The following BFAR variants were observed in gnomAD, a reference collection of about 807,000 sequenced individuals.
The protein encoded by BFAR is bifunctional apoptosis regulator, also known as RING finger protein 47.
In BFAR, 52 loss-of-function variants were observed where a neutral mutation model predicts 54.4. The observed-to-expected ratio is 0.96, with a 90% CI of 0.77 to 1.21. The LOEUF is 1.21. Among genes scored for constraint, BFAR ranks in the 50% most tolerant of loss-of-function variants. The pLI is 0.00. For missense variants in BFAR, 571 were observed against 534.0 expected, an observed-to-expected ratio of 1.07 and a Z score of -0.68; for synonymous variants, 215 against 204.3, an observed-to-expected ratio of 1.05 and a Z score of -0.45.
At chr16:14,646,356 G>A (rs2151838087) in intron 2 of BFAR, among the ~76,000 whole-genome samples, 2 of 148,016 alleles carry the variant, frequency 1.4e-5, no homozygotes, top group South Asian at 4.3e-4. Flanking sequence ...CCTGGTGAAT[G>A]TTTGTATTTT....
chr16:14,647,318 TAA>T lies in BFAR; in HGVS notation c.264-1069_264-1068del, dbSNP rs978912874. Among the ~76,000 whole-genome samples the T allele has an allele frequency of 5.8e-4, 88 of 150,746 alleles. 1 individual carries two copies. Among genetic ancestry groups the T allele is most frequent in the Admixed American group, 2.6e-4 (4 of 15,154 alleles). ...CAGGCTGGTCTGGAACTCCTGACCT[TAA>T]GTGATCTGCCCACCTCGGCCTCCCA... On this transcript the variant is annotated intron_variant, in intron 2 of 7. Coordinates refer to ENST00000261658, the MANE Select transcript of BFAR (RefSeq NM_016561.3).
intron 6 of BFAR, among the ~76,000 whole-genome samples, chr16:14,663,493 G>A (rs536429952): frequency 4.6e-5 from 7 of 151,954 alleles, no homozygotes; most frequent in Non-Finnish European, 8.8e-5. Context: ...CACCACACCC[G>A]GCTAATTTTT....
intron 1 of BFAR, among the ~76,000 whole-genome samples, chr16:14,634,222 A>AC (rs1306895992): frequency 6.6e-6 from 1 of 151,692 alleles, no homozygotes; most frequent in Non-Finnish European, 1.5e-5. Context: ...CCCAGGACAC[A>AC]CCCCCGAGCC....
intron 3 of BFAR, among the ~76,000 whole-genome samples, chr16:14,649,144 C>T (rs1460184638): frequency 7.0e-6 from 1 of 143,342 alleles, no homozygotes; most frequent in Admixed American, 7.4e-5. Context: ...GGCATGATCT[C>T]GGCTCACTGC....
intron 3 of BFAR, 30 bp from the exon 4 acceptor site, chr16:14,649,774 T>A (rs1959912656): frequency 1.3e-6 from 2 of 1,551,068 alleles, no homozygotes; most frequent in Non-Finnish European, 8.8e-7. Flanking sequence ...TGCCTCTCCA[T>A]GGTTTAAAGT....
intron 6 of BFAR, among the ~76,000 whole-genome samples, chr16:14,662,856 C>T (rs1482795219): frequency 6.6e-6 from 1 of 152,134 alleles, no homozygotes; most frequent in East Asian, 1.9e-4. Flanking sequence ...AGACTCCTGT[C>T]TCAAGAGCCG....
At position 14,667,703 on chromosome 16, in the gene BFAR, T is replaced by G. The variant is rs760898752; in HGVS notation, c.1229T>G (p.Phe410Cys). Reference sequence around the variant, plus strand: ...ACGCAGGGGCTTTTTGTGGCCATGTTCTGGCCCCTCATCCCTCAGTTTGTT... The same window carrying G: ...ACGCAGGGGCTTTTTGTGGCCATGTGCTGGCCCCTCATCCCTCAGTTTGTT... Reference protein sequence around the residue: ...VSTQGLFVAMFWPLIPQFVCN... With the variant: ...VSTQGLFVAMCWPLIPQFVCN... Residue 410 changes from phenylalanine (F) to cysteine (C), a missense_variant, in exon 8 of 8, where the codon TTC becomes TGC. Physicochemically the swap from Phe to Cys is radical, Grantham distance 205. Transcript: ENST00000261658. 1.2e-5 allele frequency: 19 copies of G among 1,614,014 alleles called. No homozygotes were observed. In the South Asian group the frequency reaches 2.0e-4, roughly 17 times the overall value.
intron 7 of BFAR, 44 bp from the exon 8 acceptor site, chr16:14,667,591 C>A: frequency 1.3e-6 from 2 of 1,567,884 alleles, no homozygotes; most frequent in South Asian, 2.3e-5. Context: ...TGGGTGTGGT[C>A]ATGAGAAGCG....
intron 2 of BFAR, among the ~76,000 whole-genome samples, chr16:14,646,977 A>G (rs1959815734): frequency 6.6e-6 from 1 of 151,380 alleles, no homozygotes; most frequent in African/African-American, 2.4e-5. Flanking sequence ...AGGTCTCACT[A>G]TGTTGCCCAG....
Position 14,668,974 on chromosome 16 carries a change from C to T in BFAR, c.*1147C>T, listed in dbSNP as rs1024297506. On this transcript the variant is annotated 3_prime_UTR_variant, in exon 8 of 8. Transcript: ENST00000261658. The stretch of plus-strand genomic sequence containing the variant: ...TATAATACAGCAGGTATAATTACAC[C>T]AAGCGCTATAGTTATAAATATGGCA... 2.4e-6 allele frequency: 1 copy of T among 421,822 alleles called. No individual in the cohort carries two copies. Among genetic ancestry groups the T allele is most frequent in the Non-Finnish European group, 4.8e-6 (1 of 207,666 alleles). 26.1% of individuals were successfully genotyped at this position (421,822 alleles called of 1,614,324 possible). A position where few individuals can be genotyped will look rare whatever the true frequency, so the allele number is the denominator to read the frequency against.
chr16:14,667,371 A>G (rs1960470299), intron 7 of BFAR: 2 of 462,784 alleles, frequency 4.3e-6, no homozygotes, highest in East Asian at 6.3e-5. Context: ...TAAATGTAAC[A>G]AAGTGATGAA....
chr16:14,635,625 T>C (rs1420946722), intron 1 of BFAR, among the ~76,000 whole-genome samples: 2 of 152,146 alleles, frequency 1.3e-5, no homozygotes, highest in Non-Finnish European at 2.9e-5. Flanking sequence ...CTTTAAGGTC[T>C]AGGCAGCAAG....
intron 2 of BFAR, 137 bp from the exon 3 acceptor site, chr16:14,648,251 G>A (rs1396203231): frequency 1.3e-5 from 9 of 677,614 alleles, no homozygotes; most frequent in Admixed American, 8.7e-5. Context: ...TTTACCCACA[G>A]GACTATAATA....
intron 2 of BFAR, among the ~76,000 whole-genome samples, chr16:14,645,102 C>T (rs1486531654): frequency 6.6e-6 from 1 of 152,122 alleles, no homozygotes; most frequent in Non-Finnish European, 1.5e-5. Flanking sequence ...TTGCTTGACA[C>T]CAGGAATTTA....
At chr16:14,661,613 G>A (rs1234290352) in intron 5 of BFAR, among the ~76,000 whole-genome samples, 2 of 151,872 alleles carry the variant, frequency 1.3e-5, no homozygotes, top group African/African-American at 4.8e-5. Flanking sequence ...ATGTTGGCCA[G>A]GCTGGTCTCA....
intron 3 of BFAR, 119 bp from the exon 4 acceptor site, chr16:14,649,685 C>A: frequency 1.2e-6 from 1 of 860,426 alleles, no homozygotes; most frequent in Non-Finnish European, 1.7e-6. Context: ...CTTCTGTGTA[C>A]GGGCTCCGCA....
At chr16:14,648,305 G>T in intron 2 of BFAR, 83 bp from the exon 3 acceptor site, 1 of 1,071,822 alleles carries the variant, frequency 9.3e-7, no homozygotes, top group Non-Finnish European at 1.4e-6. Flanking sequence ...ATTATTAGAT[G>T]TTGACTATCA....
At chr16:14,665,891 A>C (rs1470576076) in intron 7 of BFAR, among the ~76,000 whole-genome samples, 1 of 152,182 alleles carries the variant, frequency 6.6e-6, no homozygotes, top group African/African-American at 2.4e-5. Context: ...TGTAGGCATG[A>C]GTTCTAATCC....
chr16:14,642,682 T>A (rs1388828085), intron 1 of BFAR, among the ~76,000 whole-genome samples: 1 of 152,132 alleles, frequency 6.6e-6, no homozygotes, highest in Non-Finnish European at 1.5e-5. Flanking sequence ...AAATGAGGCT[T>A]CACTCACTTC....
Sources: allele counts gnomAD v4.1 joint callset (sites outside exome capture counted in the v4.1 genomes callset), GRCh38; gene constraint gnomAD v4.1.1; transcripts MANE v1.5; gene names NCBI Gene and HGNC (gene_info 2026-07-23, HGNC 2026-07-21).